Variants in CEP128 observed in about 807,000 individuals in gnomAD.
CEP128 encodes the protein centrosomal protein 128kDa.
A neutral mutation model predicts 156.7 loss-of-function variants in CEP128; 132 were observed. That is an observed-to-expected ratio of 0.84 (90% CI 0.73 to 0.97). The LOEUF (loss-of-function observed/expected upper bound fraction) is 0.97. Ranked by LOEUF, CEP128 falls within the 50% of genes least tolerant of loss-of-function variation. CEP128 has a pLI of 0.00. For missense variants in CEP128, 1,252 were observed against 1,281.9 expected (o/e 0.98, Z 0.36); for synonymous variants, 469 against 448.9 (o/e 1.04, Z -0.57).
chr14:80,489,770 G>A (rs1887260239), downstream of CEP128, among the ~76,000 whole-genome samples: 1 of 152,126 alleles, frequency 6.6e-6, no homozygotes. Context: ...AGCGGGGTGT[G>A]ACATCTCCAG....
chr14:80,740,678 A>T lies in CEP128; in HGVS notation c.2806+2397T>A, dbSNP rs144960403. Among the ~76,000 whole-genome samples the T allele has an allele frequency of 4.4e-3, 666 of 152,282 alleles. 5 individuals carry two copies. Among genetic ancestry groups the T allele is most frequent in the Non-Finnish European group, 2.9e-3 (200 of 68,006 alleles). On this transcript the variant is annotated intron_variant, in intron 19 of 24. Transcript: ENST00000555265. ...GCATTATTTTCTGAAGAGCTGGAAG[A>T]CCATTTTCTTTTTTCTACATCCTCT...
rs187657375 is a variant in CEP128, at chr14:80,680,256, T to A, written c.2806+62819A>T. 7.9e-4 allele frequency among the ~76,000 whole-genome samples: 121 copies of A among 152,254 alleles called. 1 individual carries two copies. Among genetic ancestry groups the A allele is most frequent in the African/African-American group, 2.8e-3 (116 of 41,548 alleles). On this transcript the variant is annotated intron_variant, in intron 19 of 24. Coordinates refer to ENST00000555265, the MANE Select transcript of CEP128 (RefSeq NM_152446.5). The stretch of plus-strand genomic sequence containing the variant: ...AGCCAGCTTGGGGACCTGGAACTAA[T>A]CTGCATGTGCCATTGCTAGGTGCCC...
rs147348445 is a variant in CEP128 at position 80,583,687 on chromosome 14, C to T, written c.2807-3264G>A. Among the ~76,000 whole-genome samples the T allele has an allele frequency of 5.6e-3, 854 of 152,324 alleles. 6 individuals are homozygous for T. Among genetic ancestry groups the T allele is most frequent in the African/African-American group, 0.02 (812 of 41,572 alleles). On this transcript the variant is annotated intron_variant, in intron 19 of 24. Transcript: ENST00000555265. Reference sequence around the variant, plus strand: ...ATGAGAGCCAAGAAAGAGAGAATTGCTTGAGGACTACATCCACCCTTGACT... The same window carrying T: ...ATGAGAGCCAAGAAAGAGAGAATTGTTTGAGGACTACATCCACCCTTGACT...
rs190655724 is a variant in CEP128 at position 80,503,897 on chromosome 14, C to T, written c.3181+1015G>A. Among the ~76,000 whole-genome samples, 58 of 152,046 alleles carry T rather than the reference C, an allele frequency of 3.8e-4. 1 individual carries two copies. Among genetic ancestry groups the T allele is most frequent in the Middle Eastern group, 3.4e-3 (1 of 292 alleles). ...AAAAACCACACCACTTATCAGAAATCGATAAATATTTATTCAATGAATCCA... is the reference window on the plus strand; with the variant it reads ...AAAAACCACACCACTTATCAGAAATTGATAAATATTTATTCAATGAATCCA... On this transcript the variant is annotated intron_variant, in intron 24 of 24. Coordinates refer to ENST00000555265, the MANE Select transcript of CEP128 (RefSeq NM_152446.5).
chr14:80,707,482 C>A (rs1897266490), intron 19 of CEP128, among the ~76,000 whole-genome samples: 1 of 152,118 alleles, frequency 6.6e-6, no homozygotes, highest in African/African-American at 2.4e-5. Flanking sequence ...AACCAATTCT[C>A]CAAGGAGTTT....
intron 17 of CEP128, among the ~76,000 whole-genome samples, chr14:80,757,518 C>A (rs1393656290): frequency 6.6e-6 from 1 of 152,220 alleles, no homozygotes; most frequent in Non-Finnish European, 1.5e-5. Context: ...TTCACGCCAA[C>A]TCATTTATAA....
intron 6 of CEP128, among the ~76,000 whole-genome samples, chr14:80,901,854 A>AT (rs1883580007): frequency 6.6e-6 from 1 of 152,216 alleles, no homozygotes; most frequent in Non-Finnish European, 1.5e-5. Context: ...GTTCACCCAC[A>AT]TTGAATCCAT....
intron 18 of CEP128, among the ~76,000 whole-genome samples, chr14:80,752,046 C>T (rs1243884928): frequency 6.6e-6 from 1 of 152,082 alleles, no homozygotes; most frequent in African/African-American, 2.4e-5. Context: ...TGAGAATCCT[C>T]TACTGAGTCC....
chr14:80,724,543 T>C lies in CEP128; in HGVS notation c.2806+18532A>G, dbSNP rs1897939975. Among the ~76,000 whole-genome samples the C allele has an allele frequency of 1.3e-5, 2 of 152,016 alleles. 1 individual carries two copies. Among genetic ancestry groups the C allele is most frequent in the East Asian group, 3.9e-4 (2 of 5,194 alleles). ...TTTATTTGTGAAATTCAAGACTCTA[T>C]AGAAAAAGAAAAGGTAAAAATCTGG... On this transcript the variant is annotated intron_variant, in intron 19 of 24. Coordinates refer to ENST00000555265, the MANE Select transcript of CEP128 (RefSeq NM_152446.5).
chr14:80,598,353 A>G (rs927625644), intron 19 of CEP128, among the ~76,000 whole-genome samples: 1 of 152,150 alleles, frequency 6.6e-6, no homozygotes, highest in African/African-American at 2.4e-5. Context: ...TAAAATTATT[A>G]TACCATTTAA....
chr14:80,505,517 T>C (rs944526531), intron 23 of CEP128, among the ~76,000 whole-genome samples: 3 of 152,170 alleles, frequency 2.0e-5, no homozygotes, highest in African/African-American at 7.2e-5. Flanking sequence ...CAAATTCTTA[T>C]GAAAAAATAC....
At chr14:80,513,113 C>T (rs1002836980) in intron 23 of CEP128, among the ~76,000 whole-genome samples, 3 of 152,120 alleles carry the variant, frequency 2.0e-5, no homozygotes, top group East Asian at 3.9e-4. Context: ...TATCCTTTTA[C>T]GTCAGACTGA....
At chr14:80,571,211 A>AG (rs1394194136) in intron 20 of CEP128, among the ~76,000 whole-genome samples, 7 of 152,200 alleles carry the variant, frequency 4.6e-5, no homozygotes, top group African/African-American at 9.6e-5. Flanking sequence ...CGCAGGGGTT[A>AG]GATTCATCAC....
At chr14:80,778,859 T>C (rs987724289) in intron 15 of CEP128, among the ~76,000 whole-genome samples, 5 of 152,224 alleles carry the variant, frequency 3.3e-5, no homozygotes, top group African/African-American at 1.2e-4. Flanking sequence ...GACTTTTCTG[T>C]ATACAGTTTT....
intron 19 of CEP128, among the ~76,000 whole-genome samples, chr14:80,728,794 C>T (rs1898116807): frequency 6.6e-6 from 1 of 152,164 alleles, no homozygotes. Flanking sequence ...ACTATGTATG[C>T]AGATATCAAC....
intron 23 of CEP128, among the ~76,000 whole-genome samples, chr14:80,525,762 T>C (rs1289742737): frequency 6.6e-6 from 1 of 152,196 alleles, no homozygotes; most frequent in Non-Finnish European, 1.5e-5. Flanking sequence ...ATTGTGTTAA[T>C]TTTTATTTGG....
chr14:80,954,677 A>G (rs1391596587), intron 2 of CEP128, among the ~76,000 whole-genome samples: 1 of 152,346 alleles, frequency 6.6e-6, no homozygotes, highest in Admixed American at 6.5e-5. Flanking sequence ...CTTTTATCCC[A>G]AGAGGAATAA....
At chr14:80,704,320 A>G (rs900852790) in intron 19 of CEP128, among the ~76,000 whole-genome samples, 2 of 152,078 alleles carry the variant, frequency 1.3e-5, no homozygotes, top group African/African-American at 4.8e-5. Context: ...GAATATTCAA[A>G]CTAAATTTTC....
chr14:80,524,206 T>C (rs1256304243), intron 23 of CEP128, among the ~76,000 whole-genome samples: 1 of 152,336 alleles, frequency 6.6e-6, no homozygotes, highest in Non-Finnish European at 1.5e-5. Flanking sequence ...ATGGTAGCTG[T>C]ACAGTATGTT....
Sources: allele counts gnomAD v4.1 joint callset (sites outside exome capture counted in the v4.1 genomes callset), GRCh38; gene constraint gnomAD v4.1.1; transcripts MANE v1.5; gene names NCBI Gene and HGNC (gene_info 2026-07-23, HGNC 2026-07-21).